PRDM2: variants seen among roughly 807,000 people sequenced by gnomAD.
PRDM2 encodes PR/SET domain 2.
A neutral mutation model predicts 130.0 loss-of-function variants in PRDM2; 30 were observed. The ratio of observed to expected loss-of-function variants is 0.23; its 90% CI spans 0.17 to 0.31. The LOEUF (loss-of-function observed/expected upper bound fraction) is 0.31, where lower values mean the gene tolerates loss of function less well. Among genes scored for constraint, PRDM2 ranks in the 10% least tolerant of loss-of-function variants. The pLI is 1.00. For synonymous variants in PRDM2, 871 were observed against 782.4 expected (o/e 1.11, Z -1.89); for missense variants, 2,011 against 2,108.4 (o/e 0.95, Z 0.90).
At chr1:13,728,068 G>T (rs1642981238) in intron 2 of PRDM2, among the ~76,000 whole-genome samples, 1 of 152,146 alleles carries the variant, frequency 6.6e-6, no homozygotes, top group Non-Finnish European at 1.5e-5. Flanking sequence ...TCAATTTCAA[G>T]AAATTCAGGC....
Position 13,749,447 on chromosome 1 carries a change from C to G in PRDM2, c.471C>G (p.Ala157=). The change falls in exon 6 of 10, where the codon GCC becomes GCG. Residue 157 remains alanine, a synonymous_variant. Transcript: ENST00000311066. ...CAGCTGCGATTGAGGAAGAGCGAGC[C>G]AGCGCCCGGAGCAAGCGGAGCTCCC... The part of the protein sequence containing the change: ...EIAAAIEEER[A]SARSKRSSPK... 6.6e-7 allele frequency: 1 copy of G among 1,511,584 alleles called. No individual in the cohort carries two copies. Among genetic ancestry groups the G allele is most frequent in the Non-Finnish European group, 8.9e-7 (1 of 1,118,276 alleles). The allele number at this position is 1,511,584 out of a possible 1,614,324, so 93.6% of individuals were successfully genotyped here. A position where few individuals can be genotyped will look rare whatever the true frequency, so the allele number is the denominator to read the frequency against.
At chr1:13,768,768 A>G (rs1644292051) in intron 6 of PRDM2, among the ~76,000 whole-genome samples, 1 of 152,150 alleles carries the variant, frequency 6.6e-6, no homozygotes, top group South Asian at 2.1e-4. Context: ...TTGGGTGTCT[A>G]CCTTGTAAAG....
At chr1:13,800,680 A>G (rs964712214) in intron 8 of PRDM2, among the ~76,000 whole-genome samples, 1 of 152,194 alleles carries the variant, frequency 6.6e-6, no homozygotes, top group Non-Finnish European at 1.5e-5. Context: ...TCCATCAAAA[A>G]GGTTGATGAA....
chr1:13,779,526 TAAC>T lies in PRDM2; in HGVS notation c.1736_1738del (p.Asn579del), dbSNP rs759300920. 175 of 1,614,010 alleles carry T rather than the reference TAAC, an allele frequency of 1.1e-4. No homozygotes were observed. Among genetic ancestry groups the T allele is most frequent in the African/African-American group, 8.1e-4 (61 of 74,928 alleles). ...ATATTGATGGTAAAATTCAAACTAA[TAAC>T]AACACTAGTAACTGTGATGTGATTG... On this transcript the variant is annotated inframe_deletion, in exon 8 of 10. Transcript: ENST00000311066. The surrounding 1 kb of genome is among the most constrained non-coding windows in gnomAD (Gnocchi z 4.9).
At chr1:13,748,157 A>G (rs949311158) in intron 5 of PRDM2, among the ~76,000 whole-genome samples, 4 of 152,250 alleles carry the variant, frequency 2.6e-5, no homozygotes, top group Admixed American at 2.6e-4. Context: ...GCATCGTATC[A>G]GGAGACATAT....
At chr1:13,785,705 G>C (rs1236069572) in intron 8 of PRDM2, among the ~76,000 whole-genome samples, 3 of 135,012 alleles carry the variant, frequency 2.2e-5, no homozygotes, top group Non-Finnish European at 4.6e-5. Flanking sequence ...GGAGTGCTGA[G>C]TTTAAATCTG....
chr1:13,767,146 C>T (rs151054480), intron 6 of PRDM2, among the ~76,000 whole-genome samples: 1 of 152,240 alleles, frequency 6.6e-6, no homozygotes, highest in African/African-American at 2.4e-5. Flanking sequence ...CTACAAAATC[C>T]AGTTTTATTG....
intron 8 of PRDM2, among the ~76,000 whole-genome samples, chr1:13,785,102 G>A (rs191738251): frequency 6.6e-6 from 1 of 152,318 alleles, no homozygotes; most frequent in East Asian, 1.9e-4. Flanking sequence ...TTAACGTGTT[G>A]CCCAGGGCTC....
intron 1 of PRDM2, among the ~76,000 whole-genome samples, chr1:13,714,919 G>A (rs1452160072): frequency 6.6e-6 from 1 of 152,160 alleles, no homozygotes; most frequent in African/African-American, 2.4e-5. Flanking sequence ...TATGTCATAC[G>A]CATTTACAAG....
At chr1:13,816,686 T>G in intron 9 of PRDM2, 116 bp downstream of exon 9, 2 of 1,358,496 alleles carry the variant, frequency 1.5e-6, no homozygotes, top group Non-Finnish European at 2.0e-6. Flanking sequence ...TGCTTGTGTG[T>G]ACCAGGCACG....
chr1:13,766,585 C>T (rs1384062817), intron 6 of PRDM2, among the ~76,000 whole-genome samples: 1 of 152,126 alleles, frequency 6.6e-6, no homozygotes, highest in Non-Finnish European at 1.5e-5. Context: ...TTGGTATCAG[C>T]CCTGTTGGGA....
chr1:13,724,894 T>C (rs1296266810), intron 2 of PRDM2, among the ~76,000 whole-genome samples: 6 of 152,174 alleles, frequency 3.9e-5, no homozygotes. Flanking sequence ...GTTTTTAATG[T>C]TAACAGTTGT....
rs200137737 is a variant in PRDM2 at position 13,746,745 on chromosome 1, CAG to C, written c.385-2613_385-2612del. Among the ~76,000 whole-genome samples the C allele has an allele frequency of 4.6e-3, 693 of 152,130 alleles. 7 individuals carry two copies. Among genetic ancestry groups the C allele is most frequent in the African/African-American group, 0.016 (660 of 41,504 alleles). The stretch of plus-strand genomic sequence containing the variant: ...CTAATTTTTGTATTTTCAGTAGAGA[CAG>C]AGTTTCGCCATGTTGCCCAGGCTGG... On this transcript the variant is annotated intron_variant, in intron 5 of 9. Transcript: ENST00000311066.
chr1:13,762,977 A>G (rs926925855), intron 6 of PRDM2, among the ~76,000 whole-genome samples: 3 of 152,198 alleles, frequency 2.0e-5, no homozygotes, highest in African/African-American at 7.2e-5. Flanking sequence ...GTGCTGGAAT[A>G]AAAGTGCCTC....
chr1:13,746,528 T>TTTTATTTATTTATTTA (rs34775135), intron 5 of PRDM2, among the ~76,000 whole-genome samples: 1 of 146,468 alleles, frequency 6.8e-6, no homozygotes, highest in African/African-American at 2.5e-5. Flanking sequence ...TACTACTTGT[T>TTTTATTTATTTATTTA]TTTATTTATT....
chr1:13,739,883 T>C (rs72635658), intron 4 of PRDM2, among the ~76,000 whole-genome samples: 2,483 of 152,072 alleles, frequency 0.016, 32 homozygotes, highest in Middle Eastern at 0.027. Context: ...CTTTAAGAAA[T>C]TTTTTTTGTG....
intron 1 of PRDM2, among the ~76,000 whole-genome samples, chr1:13,715,041 T>G (rs1642489672): frequency 6.6e-6 from 1 of 152,248 alleles, no homozygotes; most frequent in South Asian, 2.1e-4. Flanking sequence ...TGCATTTTAC[T>G]GCCAGTTTTT....
intron 2 of PRDM2, chr1:13,722,943 C>T (rs772051396): frequency 2.4e-5 from 11 of 456,490 alleles, no homozygotes; most frequent in Admixed American, 1.2e-4. Context: ...CACCCCATCT[C>T]GTCACTCTCC....
chr1:13,786,486 C>T (rs759946789), intron 8 of PRDM2: 2 of 1,609,202 alleles, frequency 1.2e-6, no homozygotes, highest in South Asian at 1.1e-5. Context: ...GTTCTGTTGT[C>T]ATTTATCTTC....
Sources: gnomAD v4.1 joint callset for allele counts (sites outside exome capture counted in the v4.1 genomes callset) on GRCh38, gnomAD v4.1.1 for gene constraint, Gnocchi (gnomAD v3.1) non-coding constraint, MANE v1.5 for transcripts, NCBI Gene and HGNC (gene_info 2026-07-23, HGNC 2026-07-21) for gene names.